Variants in DLGAP2 observed in about 807,000 individuals in gnomAD.
DLGAP2 encodes the protein disks large-associated protein 2.
A neutral mutation model predicts 100.3 loss-of-function variants in DLGAP2; 26 were observed. That is an observed-to-expected ratio of 0.26 (90% CI 0.19 to 0.36). The LOEUF (loss-of-function observed/expected upper bound fraction) is 0.36, where lower values mean the gene tolerates loss of function less well. DLGAP2 is among the 10% of genes least tolerant of loss of function. The pLI, the probability that DLGAP2 is intolerant of heterozygous loss-of-function variation, is 1.00. For missense variants in DLGAP2, 1,858 were observed against 1,453.2 expected (o/e 1.28, Z -4.53); for synonymous variants, 886 against 630.1 (o/e 1.41, Z -6.08).
chr8:1,446,281 A>T (rs1388532740), intron 3 of DLGAP2, among the ~76,000 whole-genome samples: 2 of 152,080 alleles, frequency 1.3e-5, no homozygotes, highest in African/African-American at 4.8e-5. Flanking sequence ...AGGTGTAAGG[A>T]AGGGATCCAG....
intron 2 of DLGAP2, among the ~76,000 whole-genome samples, chr8:921,358 C>G (rs915210791): frequency 6.6e-6 from 1 of 152,026 alleles, no homozygotes; most frequent in South Asian, 2.1e-4. Flanking sequence ...TCCACGTGTC[C>G]ACAGACCCGA....
intron 2 of DLGAP2, among the ~76,000 whole-genome samples, chr8:1,078,585 CT>C (rs112081109): frequency 0.32 from 48,743 of 152,036 alleles, 7,885 homozygotes; most frequent in Admixed American, 0.36. Flanking sequence ...CCTCTAACCC[CT>C]AGCAAACACT....
chr8:1,228,005 A>G (rs564734600), intron 2 of DLGAP2, among the ~76,000 whole-genome samples: 1 of 151,896 alleles, frequency 6.6e-6, no homozygotes, highest in Non-Finnish European at 1.5e-5. Context: ...ATGTTATGAC[A>G]TGTTATATAC....
At chr8:984,478 A>C (rs919384638) in intron 2 of DLGAP2, among the ~76,000 whole-genome samples, 2 of 152,200 alleles carry the variant, frequency 1.3e-5, no homozygotes, top group African/African-American at 4.8e-5. Context: ...GCCTAGGTTT[A>C]TCTTGGTTGT....
chr8:1,139,209 G>A (rs1328419996), intron 2 of DLGAP2, among the ~76,000 whole-genome samples: 1 of 152,156 alleles, frequency 6.6e-6, no homozygotes, highest in African/African-American at 2.4e-5. Context: ...CACAGGGCGG[G>A]GGGAGCTCCC....
chr8:1,012,261 C>G (rs1165838395), intron 2 of DLGAP2, among the ~76,000 whole-genome samples: 1 of 152,174 alleles, frequency 6.6e-6, no homozygotes, highest in African/African-American at 2.4e-5. Context: ...AATCCCCATC[C>G]CTTCGCTCTT....
Position 1,247,481 on chromosome 8 carries a change from T to C in DLGAP2, c.74-11370T>C, listed in dbSNP as rs369766470. ...TCAGTGTGGGAGTGATGGTCCATGT[T>C]GGTGGCCGGGAAGACCTTTGAGATC... On this transcript the variant is annotated intron_variant, in intron 2 of 14. Coordinates refer to ENST00000637795, the MANE Select transcript of DLGAP2 (RefSeq NM_001346810.2). Among the ~76,000 whole-genome samples, 562 of 80,832 alleles carry C rather than the reference T, an allele frequency of 7.0e-3. 2 individuals are homozygous for C. Among genetic ancestry groups the C allele is most frequent in the Middle Eastern group, 0.03 (3 of 100 alleles). The allele number at this position is 80,832 out of a possible 152,430, so 53.0% of individuals were successfully genotyped here. A position where few individuals can be genotyped will look rare whatever the true frequency, so the allele number is the denominator to read the frequency against.
chr8:1,411,710 C>T (rs978738655), intron 3 of DLGAP2, among the ~76,000 whole-genome samples: 11 of 152,210 alleles, frequency 7.2e-5, no homozygotes, highest in East Asian at 1.9e-4. Context: ...CACAGGCTCA[C>T]GAAGCTGCGT....
chr8:754,639 C>T (rs1820878129), intron 1 of DLGAP2, among the ~76,000 whole-genome samples: 1 of 152,140 alleles, frequency 6.6e-6, no homozygotes, highest in Non-Finnish European at 1.5e-5. Context: ...AGATTGAGGT[C>T]AGGAGTTTGA....
chr8:1,515,049 G>T (rs904249205), intron 4 of DLGAP2, among the ~76,000 whole-genome samples: 1 of 151,940 alleles, frequency 6.6e-6, no homozygotes, highest in African/African-American at 2.4e-5. Flanking sequence ...CAACGTGCAG[G>T]GATACCGATC....
intron 6 of DLGAP2, among the ~76,000 whole-genome samples, chr8:1,601,394 G>C (rs548701198): frequency 2.6e-5 from 4 of 152,306 alleles, no homozygotes; most frequent in African/African-American, 9.6e-5. Flanking sequence ...AGCAGAGCTC[G>C]AGCGCTGTGC....
At chr8:755,540 G>A (rs1366519331) in intron 1 of DLGAP2, among the ~76,000 whole-genome samples, 1 of 152,192 alleles carries the variant, frequency 6.6e-6, no homozygotes, top group African/African-American at 2.4e-5. Flanking sequence ...CTCTGACTGT[G>A]GGAGCAGCTG....
chr8:818,494 A>T (rs1738453994), intron 1 of DLGAP2, among the ~76,000 whole-genome samples: 1 of 152,212 alleles, frequency 6.6e-6, no homozygotes, highest in South Asian at 2.1e-4. Context: ...GGGAGCCTGC[A>T]GCACTGATCT....
At chr8:1,654,986 G>A (rs1798251074) in intron 8 of DLGAP2, among the ~76,000 whole-genome samples, 1 of 152,256 alleles carries the variant, frequency 6.6e-6, no homozygotes, top group East Asian at 1.9e-4. Flanking sequence ...CCTTTTCAAT[G>A]GAAACAGGAA....
intron 3 of DLGAP2, among the ~76,000 whole-genome samples, chr8:1,289,800 G>C (rs1800019621): frequency 1.3e-5 from 2 of 152,240 alleles, no homozygotes; most frequent in Admixed American, 1.3e-4. Flanking sequence ...AGATGAGGAG[G>C]AGGAGAACCT....
intron 6 of DLGAP2, among the ~76,000 whole-genome samples, chr8:1,574,800 C>T (rs1350864119): frequency 6.6e-6 from 1 of 152,120 alleles, no homozygotes; most frequent in Non-Finnish European, 1.5e-5. Flanking sequence ...ATTCCGGACA[C>T]AAGAAAGGAA....
At chr8:1,434,829 T>G (rs1797568850) in intron 3 of DLGAP2, among the ~76,000 whole-genome samples, 1 of 152,134 alleles carries the variant, frequency 6.6e-6, no homozygotes, top group South Asian at 2.1e-4. Flanking sequence ...TAACATGCAT[T>G]ATCGTTCCTT....
chr8:1,418,019 G>T (rs980855583), intron 3 of DLGAP2, among the ~76,000 whole-genome samples: 1 of 152,272 alleles, frequency 6.6e-6, no homozygotes, highest in Admixed American at 6.5e-5. Flanking sequence ...CTACAGTCCC[G>T]TTCTGGACAG....
chr8:1,245,271 A>C (rs960084003), intron 2 of DLGAP2, among the ~76,000 whole-genome samples: 7 of 152,244 alleles, frequency 4.6e-5, no homozygotes, highest in Admixed American at 2.0e-4. Context: ...ACATATGTCC[A>C]CTAAAAAAAC....
Sources: allele counts gnomAD v4.1 joint callset (sites outside exome capture counted in the v4.1 genomes callset), GRCh38; gene constraint gnomAD v4.1.1; transcripts MANE v1.5; gene names NCBI Gene and HGNC (gene_info 2026-07-23, HGNC 2026-07-21).